The following LRP1B variants were observed in gnomAD, a reference collection of about 807,000 sequenced individuals.
LRP1B encodes the protein LDL receptor related protein 1B.
In LRP1B, 217 loss-of-function variants were observed where a neutral mutation model predicts 556.6. That is an observed-to-expected ratio of 0.39 (90% CI 0.35 to 0.44). The LOEUF (loss-of-function observed/expected upper bound fraction) is 0.44. Among genes scored for constraint, LRP1B ranks in the 20% least tolerant of loss-of-function variants. LRP1B has a pLI of 1.00. For synonymous variants in LRP1B, 2,047 were observed against 1,865.8 expected, an observed-to-expected ratio of 1.10 and a Z score of -2.50; for missense variants, 5,053 against 5,620.8, an observed-to-expected ratio of 0.90 and a Z score of 3.23.
chr2:141,110,926 A>C (rs1574083229), intron 7 of LRP1B, among the ~76,000 whole-genome samples: 1 of 152,190 alleles, frequency 6.6e-6, no homozygotes, highest in South Asian at 2.1e-4. Flanking sequence ...CACTAAATAT[A>C]TAGCCACATT....
intron 79 of LRP1B, among the ~76,000 whole-genome samples, chr2:140,327,792 TATTGCATTGTTGGTCTAGG>T (rs907879315): frequency 2.0e-5 from 3 of 152,064 alleles, no homozygotes; most frequent in African/African-American, 7.2e-5. Context: ...AAGTGTCACA[TATTGCATTGTTGGTCTAGG>T]TTTGTCTAAG....
intron 1 of LRP1B, among the ~76,000 whole-genome samples, chr2:142,006,992 A>C (rs1027271799): frequency 6.6e-6 from 1 of 152,084 alleles, no homozygotes; most frequent in African/African-American, 2.4e-5. Flanking sequence ...TTTTCTCAGT[A>C]ATTAGCTTGT....
At chr2:141,053,499 G>A (rs900835178) in intron 10 of LRP1B, among the ~76,000 whole-genome samples, 5 of 151,960 alleles carry the variant, frequency 3.3e-5, no homozygotes, top group African/African-American at 1.2e-4. Context: ...TGTTTTTAAA[G>A]TTAACATTTT....
At chr2:141,932,123 G>T (rs1258421565) in intron 1 of LRP1B, among the ~76,000 whole-genome samples, 1 of 151,892 alleles carries the variant, frequency 6.6e-6, no homozygotes, top group Non-Finnish European at 1.5e-5. Context: ...AAAAGATAAA[G>T]TGAGCAAAAA....
At chr2:141,382,573 T>G (rs1430364421) in intron 3 of LRP1B, among the ~76,000 whole-genome samples, 1 of 152,202 alleles carries the variant, frequency 6.6e-6, no homozygotes, top group Non-Finnish European at 1.5e-5. Flanking sequence ...GAGACATGGC[T>G]TGTCAAAACC....
chr2:140,678,128 C>A (rs902777059), intron 41 of LRP1B, among the ~76,000 whole-genome samples: 1 of 152,038 alleles, frequency 6.6e-6, no homozygotes, highest in Admixed American at 6.5e-5. Context: ...CTCCAATGAA[C>A]CCAATTAATT....
intron 43 of LRP1B, among the ~76,000 whole-genome samples, chr2:140,566,320 G>A (rs1334383407): frequency 2.0e-5 from 3 of 152,166 alleles, no homozygotes; most frequent in African/African-American, 7.2e-5. Context: ...CATGAAAACA[G>A]TGCCTTGGCA....
At position 141,020,040 on chromosome 2, in the gene LRP1B, C is replaced by T. The variant is rs149406448; in HGVS notation, c.1852G>A (p.Asp618Asn). ...ACATTAATGGTTTTCCTATGGCCATCATTGGTCCAGTAAAGATTATTTCCA... is the reference window on the plus strand; with the variant it reads ...ACATTAATGGTTTTCCTATGGCCATTATTGGTCCAGTAAAGATTATTTCCA... The part of the protein sequence containing the change: ...WIGNNLYWTN[D>N]GHRKTINVAR... Residue 618 changes from aspartate to asparagine, a missense_variant, in exon 12 of 91, where the codon GAT becomes AAT. Asp to Asn is a conservative substitution (Grantham distance 23, BLOSUM62 1). Around this residue, in one of 5 missense-constraint regions of LRP1B, gnomAD observed 3,619 missense variants for 3,931.9 expected, o/e 0.92. Transcript: ENST00000389484. The T allele has an allele frequency of 6.2e-7, 1 of 1,611,918 alleles. No homozygotes were observed. The highest frequency in any genetic ancestry group is 8.5e-7 in the Non-Finnish European group (1 of 1,178,586).
At chr2:141,996,113 A>C (rs1702482073) in intron 1 of LRP1B, among the ~76,000 whole-genome samples, 1 of 151,644 alleles carries the variant, frequency 6.6e-6, no homozygotes, top group Admixed American at 6.6e-5. Flanking sequence ...TTAGCTTGGC[A>C]TGGTGGCGGG....
intron 15 of LRP1B, among the ~76,000 whole-genome samples, chr2:141,000,349 G>A (rs760563511): frequency 8.6e-5 from 13 of 152,040 alleles, no homozygotes; most frequent in Non-Finnish European, 1.8e-4. Flanking sequence ...CAAAAGGTAC[G>A]ATGTAACTAT....
intron 2 of LRP1B, among the ~76,000 whole-genome samples, chr2:141,804,903 G>T (rs1296137789): frequency 6.6e-6 from 1 of 152,060 alleles, no homozygotes; most frequent in African/African-American, 2.4e-5. Context: ...CAGTTGCTGT[G>T]ATCATGCACT....
chr2:141,155,688 T>C (rs1230652712), intron 7 of LRP1B, among the ~76,000 whole-genome samples: 1 of 152,096 alleles, frequency 6.6e-6, no homozygotes, highest in Non-Finnish European at 1.5e-5. Context: ...ACAAATTTAT[T>C]ACTGAGTTAC....
At chr2:141,092,347 G>C (rs1392173483) in intron 7 of LRP1B, among the ~76,000 whole-genome samples, 1 of 152,168 alleles carries the variant, frequency 6.6e-6, no homozygotes, top group Non-Finnish European at 1.5e-5. Context: ...AAGGGTTTTG[G>C]CTGACATCAT....
At chr2:141,722,204 C>T (rs1347851266) in intron 2 of LRP1B, among the ~76,000 whole-genome samples, 6 of 152,052 alleles carry the variant, frequency 3.9e-5, no homozygotes, top group Admixed American at 3.9e-4. Context: ...ATGGTGAAAC[C>T]CCATCTCTAT....
chr2:140,460,264 T>C (rs1394873222), intron 60 of LRP1B, among the ~76,000 whole-genome samples: 2 of 152,150 alleles, frequency 1.3e-5, no homozygotes, highest in African/African-American at 4.8e-5. Flanking sequence ...TGTTCTTGAA[T>C]TTTCCAGCCT....
chr2:141,775,104 C>A (rs1169610604), intron 2 of LRP1B, among the ~76,000 whole-genome samples: 1 of 152,150 alleles, frequency 6.6e-6, no homozygotes, highest in Non-Finnish European at 1.5e-5. Flanking sequence ...GGAGTCCTTC[C>A]CCATCACTCC....
intron 18 of LRP1B, among the ~76,000 whole-genome samples, chr2:140,955,723 A>G (rs1421878911): frequency 6.6e-6 from 1 of 151,674 alleles, no homozygotes; most frequent in East Asian, 1.9e-4. Context: ...AATGGCTACA[A>G]TTGTCTTTCT....
intron 2 of LRP1B, among the ~76,000 whole-genome samples, chr2:141,507,155 T>G (rs1320794627): frequency 6.6e-6 from 1 of 152,172 alleles, no homozygotes; most frequent in Non-Finnish European, 1.5e-5. Flanking sequence ...TTTTGCAGCA[T>G]CTTGCCTAAA....
intron 1 of LRP1B, among the ~76,000 whole-genome samples, chr2:141,920,691 G>T (rs1450271354): frequency 6.6e-6 from 1 of 151,910 alleles, no homozygotes; most frequent in Non-Finnish European, 1.5e-5. Flanking sequence ...GCTTTTGAAA[G>T]CTATGTATAC....
Sources: gnomAD v4.1 joint callset for allele counts (sites outside exome capture counted in the v4.1 genomes callset) on GRCh38, gnomAD v4.1.1 for gene constraint, gnomAD v4.1.1 regional missense constraint, MANE v1.5 for transcripts, NCBI Gene and HGNC (gene_info 2026-07-23, HGNC 2026-07-21) for gene names.